The following CAMK4 variants were observed in gnomAD, a reference collection of about 807,000 sequenced individuals.
The protein encoded by CAMK4 is calcium/calmodulin dependent protein kinase IV.
In CAMK4, 22 loss-of-function variants were observed where a neutral mutation model predicts 44.9. The ratio of observed to expected loss-of-function variants is 0.49; its 90% confidence interval spans 0.35 to 0.70. The LOEUF (loss-of-function observed/expected upper bound fraction) is 0.70, where lower values mean the gene tolerates loss of function less well. Ranked by LOEUF, CAMK4 falls within the 30% of genes least tolerant of loss-of-function variation. The pLI is 0.01. For missense variants in CAMK4, 498 were observed against 586.8 expected (o/e 0.85, Z 1.56); for synonymous variants, 218 against 215.4 (o/e 1.01, Z -0.11).
chr5:111,280,318 C>T (rs1488719519), intron 1 of CAMK4, among the ~76,000 whole-genome samples: 1 of 152,018 alleles, frequency 6.6e-6, no homozygotes, highest in African/African-American at 2.4e-5. Flanking sequence ...AAGAACATTC[C>T]GAAGGCACTG....
chr5:111,282,056 CAA>C (rs58617977), intron 1 of CAMK4, among the ~76,000 whole-genome samples: 23 of 112,392 alleles, frequency 2.0e-4, no homozygotes, highest in Admixed American at 3.9e-4. Flanking sequence ...GACTCCGTCT[CAA>C]AAAAAAAAAA....
chr5:111,312,306 C>G (rs1443619760), intron 1 of CAMK4, among the ~76,000 whole-genome samples: 1 of 152,108 alleles, frequency 6.6e-6, no homozygotes, highest in East Asian at 1.9e-4. Context: ...CTAGAGAGAA[C>G]CAGCTTCAAG....
At chr5:111,230,830 AT>A (rs755088988) in intron 1 of CAMK4, among the ~76,000 whole-genome samples, 1 of 151,832 alleles carries the variant, frequency 6.6e-6, no homozygotes, top group Admixed American at 6.6e-5. Context: ...TTTAAAAAAA[AT>A]AAAGGGTTTT....
At chr5:111,265,387 A>AC (rs1255215541) in intron 1 of CAMK4, among the ~76,000 whole-genome samples, 8 of 152,308 alleles carry the variant, frequency 5.3e-5, no homozygotes, top group African/African-American at 1.7e-4. Context: ...TGGCTACTAA[A>AC]CCATCTTTTA....
intron 5 of CAMK4, among the ~76,000 whole-genome samples, chr5:111,424,072 G>T (rs1172791214): frequency 6.6e-6 from 1 of 152,154 alleles, no homozygotes; most frequent in African/African-American, 2.4e-5. Context: ...TAATCCTTTT[G>T]CCATCTGTCA....
chr5:111,241,861 A>G (rs1445923166), intron 1 of CAMK4, among the ~76,000 whole-genome samples: 2 of 152,242 alleles, frequency 1.3e-5, no homozygotes, highest in African/African-American at 4.8e-5. Context: ...AGAGCGGAGC[A>G]CATTGGAGCT....
chr5:111,462,210 A>T (rs1370775767), intron 7 of CAMK4, among the ~76,000 whole-genome samples: 1 of 152,110 alleles, frequency 6.6e-6, no homozygotes, highest in Non-Finnish European at 1.5e-5. Flanking sequence ...ACTTCTCTAG[A>T]TCCTCTACAT....
Position 111,254,820 on chromosome 5 carries a change from A to C in CAMK4, c.161+30176A>C, listed in dbSNP as rs57238595. ...AATGAAACTAGCCAAGTATGTGTGG[A>C]TCATTGGGTAAAAAGGGTACTGCAG... On this transcript the variant is annotated intron_variant, in intron 1 of 10. Transcript: ENST00000282356. Among the ~76,000 whole-genome samples the C allele has an allele frequency of 7.8e-3, 1,193 of 152,230 alleles. 15 individuals are homozygous for C. The highest frequency in any genetic ancestry group is 0.027 in the African/African-American group (1,141 of 41,534).
chr5:111,393,710 T>TA (rs1377550753), intron 4 of CAMK4, among the ~76,000 whole-genome samples: 12 of 151,948 alleles, frequency 7.9e-5, no homozygotes, highest in Admixed American at 3.9e-4. Context: ...CTGGGGCCTA[T>TA]AAGAGGGTGG....
chr5:111,359,683 C>A (rs937463724), intron 2 of CAMK4, among the ~76,000 whole-genome samples: 10 of 152,018 alleles, frequency 6.6e-5, no homozygotes, highest in African/African-American at 2.4e-4. Flanking sequence ...ATGGTATTGC[C>A]TAGGTTGTCT....
At chr5:111,283,214 T>C (rs541424159) in intron 1 of CAMK4, among the ~76,000 whole-genome samples, 1 of 152,294 alleles carries the variant, frequency 6.6e-6, no homozygotes, top group African/African-American at 2.4e-5. Context: ...ATCACTGAGA[T>C]AGAAAACAAA....
chr5:111,297,223 T>C (rs1173525528), intron 1 of CAMK4, among the ~76,000 whole-genome samples: 1 of 152,238 alleles, frequency 6.6e-6, no homozygotes, highest in Non-Finnish European at 1.5e-5. Flanking sequence ...TAATAAAAAA[T>C]ACTTTGAAAT....
At chr5:111,270,590 A>G (rs992787954) in intron 1 of CAMK4, among the ~76,000 whole-genome samples, 2 of 151,930 alleles carry the variant, frequency 1.3e-5, no homozygotes, top group Admixed American at 1.3e-4. Context: ...TGGCTCCTCA[A>G]TTTTTTTCTT....
At position 111,353,680 on chromosome 5, in the gene CAMK4, A is replaced by C. The variant is rs145996310; in HGVS notation, c.240+9578A>C. Among the ~76,000 whole-genome samples, 459 of 152,250 alleles carry C rather than the reference A, an allele frequency of 3.0e-3. 2 individuals carry two copies. Among genetic ancestry groups the C allele is most frequent in the African/African-American group, 9.0e-3 (375 of 41,570 alleles). ...TTCAGAATATATAAATGAGGTACAA[A>C]AATAAGTTACATTTCTATACACTAA... On this transcript the variant is annotated intron_variant, in intron 2 of 10. Coordinates refer to ENST00000282356, the MANE Select transcript of CAMK4 (RefSeq NM_001744.6).
At chr5:111,238,466 C>T (rs534898559) in intron 1 of CAMK4, among the ~76,000 whole-genome samples, 4 of 152,186 alleles carry the variant, frequency 2.6e-5, no homozygotes, top group African/African-American at 9.6e-5. Flanking sequence ...AGTCTGCAAG[C>T]CTGGAAGAGA....
At chr5:111,400,676 G>C (rs552189571) in intron 5 of CAMK4, among the ~76,000 whole-genome samples, 1 of 152,094 alleles carries the variant, frequency 6.6e-6, no homozygotes, top group East Asian at 1.9e-4. Flanking sequence ...TTTAAAGTGT[G>C]TTTGAAAGAT....
chr5:111,294,263 C>CTTAT (rs1747397756), intron 1 of CAMK4, among the ~76,000 whole-genome samples: 1 of 152,090 alleles, frequency 6.6e-6, no homozygotes, highest in South Asian at 2.1e-4. Context: ...GAGTCATGGG[C>CTTAT]TTATAAAACT....
At chr5:111,393,286 T>A (rs1186870586) in intron 4 of CAMK4, among the ~76,000 whole-genome samples, 1 of 152,114 alleles carries the variant, frequency 6.6e-6, no homozygotes, top group East Asian at 1.9e-4. Context: ...ATAAAACGTA[T>A]TTGCTAAAAA....
At chr5:111,375,224 G>GTGCCTATC (rs1362728369) in intron 3 of CAMK4, among the ~76,000 whole-genome samples, 1 of 152,096 alleles carries the variant, frequency 6.6e-6, no homozygotes, top group African/African-American at 2.4e-5. Flanking sequence ...CTTCTTTTGT[G>GTGCCTATC]TGCCTATCTT....
Sources: gnomAD v4.1 joint callset for allele counts (sites outside exome capture counted in the v4.1 genomes callset) on GRCh38, gnomAD v4.1.1 for gene constraint, MANE v1.5 for transcripts, NCBI Gene and HGNC (gene_info 2026-07-23, HGNC 2026-07-21) for gene names.